TIAM1: variants seen among roughly 807,000 people sequenced by gnomAD.
TIAM1 encodes the protein rho guanine nucleotide exchange factor TIAM1.
In TIAM1, 65 loss-of-function variants were observed where a neutral mutation model predicts 163.5. That is an observed-to-expected ratio of 0.40 (90% CI 0.33 to 0.49). The LOEUF (loss-of-function observed/expected upper bound fraction) is 0.49. Among genes scored for constraint, TIAM1 ranks in the 20% least tolerant of loss-of-function variants. The pLI, the probability that TIAM1 is intolerant of heterozygous loss-of-function variation, is 0.77. For synonymous variants in TIAM1, 833 were observed against 810.1 expected (o/e 1.03, Z -0.48); for missense variants, 1,789 against 2,044.7 (o/e 0.87, Z 2.41).
Position 31,426,333 on chromosome 21 carries a change from T to C in TIAM1, c.-369+37650A>G, listed in dbSNP as rs1189256863. 2.0e-5 allele frequency among the ~76,000 whole-genome samples: 3 copies of C among 152,170 alleles called. No homozygotes were observed. In the East Asian group the frequency reaches 5.8e-4, roughly 29 times the overall value. ...CCACCTTCTCAGACTTGGGGCTCCA[T>C]GGGATCATTCTATTTTCAGTAGATC... On this transcript the variant is annotated intron_variant, in intron 2 of 28. Coordinates refer to the TIAM1 transcript ENST00000286827.
intron 1 of TIAM1, among the ~76,000 whole-genome samples, chr21:31,503,513 AAG>A (rs1265197513): frequency 8.4e-6 from 1 of 118,752 alleles, no homozygotes; most frequent in Non-Finnish European, 1.7e-5. Flanking sequence ...AAGAGAAAAA[AAG>A]AGAAAGAGAA....
chr21:31,362,186 T>G (rs1273549354), intron 2 of TIAM1, among the ~76,000 whole-genome samples: 3 of 151,960 alleles, frequency 2.0e-5, no homozygotes, highest in Non-Finnish European at 2.9e-5. Context: ...GATATACTCT[T>G]TACTGTGACT....
At chr21:31,209,257 G>A (rs573427770) in intron 11 of TIAM1, among the ~76,000 whole-genome samples, 8 of 152,216 alleles carry the variant, frequency 5.3e-5, no homozygotes, top group African/African-American at 1.7e-4. Context: ...ATACGACTAC[G>A]ACATAGAACT....
At chr21:31,408,559 A>AGTCT (rs1408283908) in intron 2 of TIAM1, among the ~76,000 whole-genome samples, 1 of 152,260 alleles carries the variant, frequency 6.6e-6, no homozygotes, top group African/African-American at 2.4e-5. Context: ...TTTTAATGAA[A>AGTCT]GTCTCCACTA....
intron 1 of TIAM1, among the ~76,000 whole-genome samples, chr21:31,468,862 TG>T (rs923825139): frequency 9.4e-4 from 143 of 152,154 alleles, no homozygotes; most frequent in African/African-American, 3.1e-3. Flanking sequence ...CTGGGATCTG[TG>T]CCTGGGAGGC....
intron 6 of TIAM1, among the ~76,000 whole-genome samples, chr21:31,231,473 C>T (rs1402476753): frequency 8.5e-5 from 13 of 152,186 alleles, no homozygotes; most frequent in Non-Finnish European, 1.5e-5. Flanking sequence ...GTGAGGACCC[C>T]AGCCCAATTC....
chr21:31,168,241 C>T (rs977465287), intron 15 of TIAM1, among the ~76,000 whole-genome samples: 1 of 150,318 alleles, frequency 6.7e-6, no homozygotes, highest in Non-Finnish European at 1.5e-5. Context: ...TACAGGTGCC[C>T]GTCACCACGC....
chr21:31,196,478 A>ATTTTTTTTTTTTTTTTTTTTTTTTTTT (rs59358430), intron 12 of TIAM1, among the ~76,000 whole-genome samples: 1 of 133,090 alleles, frequency 7.5e-6, no homozygotes, highest in Non-Finnish European at 1.6e-5. Context: ...CATCTGGCTA[A>ATTTTTTTTTTTTTTTTTTTTTTTTTTT]TTTTTTTTTT....
chr21:31,218,925 G>A (rs2087378187), intron 8 of TIAM1, among the ~76,000 whole-genome samples: 1 of 148,694 alleles, frequency 6.7e-6, no homozygotes, highest in Admixed American at 6.8e-5. Flanking sequence ...CATGTCCTAT[G>A]TTTAGGTAAA....
At chr21:31,380,115 T>C (rs1304234013) in intron 2 of TIAM1, among the ~76,000 whole-genome samples, 4 of 149,732 alleles carry the variant, frequency 2.7e-5, no homozygotes, top group East Asian at 2.0e-4. Context: ...ATACAAAAAA[T>C]TGGCCAGGCA....
At chr21:31,355,528 A>ATTTT in intron 2 of TIAM1, among the ~76,000 whole-genome samples, 1 of 144,756 alleles carries the variant, frequency 6.9e-6, no homozygotes, top group East Asian at 2.1e-4. Context: ...TCTCTCCTTT[A>ATTTT]TTATTTATTT....
chr21:31,470,031 T>C (rs2045685002), intron 1 of TIAM1, among the ~76,000 whole-genome samples: 2 of 148,136 alleles, frequency 1.4e-5, no homozygotes, highest in Non-Finnish European at 3.0e-5. Context: ...TGAGACACAG[T>C]CTGGCTCTGT....
At chr21:31,215,568 G>GAAAAAAAAAAAAAA (rs398040071) in intron 9 of TIAM1, among the ~76,000 whole-genome samples, 1 of 75,546 alleles carries the variant, frequency 1.3e-5, no homozygotes, top group African/African-American at 4.5e-5. Context: ...TCTCAAAAAA[G>GAAAAAAAAAAAAAA]AAAAAAAAAA....
intron 2 of TIAM1, among the ~76,000 whole-genome samples, chr21:31,413,548 G>A (rs1321332787): frequency 6.6e-6 from 1 of 151,938 alleles, no homozygotes; most frequent in African/African-American, 2.4e-5. Flanking sequence ...GGGATTATAG[G>A]CATGAGCCAC....
intron 1 of TIAM1, among the ~76,000 whole-genome samples, chr21:31,499,627 G>A (rs966912548): frequency 7.3e-5 from 11 of 151,384 alleles, no homozygotes; most frequent in Admixed American, 3.9e-4. Flanking sequence ...CGAGGAAGAC[G>A]GATAACAAGG....
rs1159090982 is a variant in TIAM1, at chr21:31,266,681, A to G, written c.292T>C (p.Leu98=). Residue 98 remains leucine, a synonymous_variant, in exon 4 of 28, where the codon TTG becomes CTG. Coordinates refer to ENST00000541036, the MANE Select transcript of TIAM1 (RefSeq NM_001353694.2). The part of the protein sequence containing the change: ...PIWVDRVDMG[L]RPVSYTDSSV... Reference sequence around the variant, plus strand: ...GAGTCAGTGTAAGACACAGGTCTCAAGCCCATGTCCACTCGGTCCACCCAG... The same window carrying G: ...GAGTCAGTGTAAGACACAGGTCTCAGGCCCATGTCCACTCGGTCCACCCAG... The G allele has an allele frequency of 6.2e-7, 1 of 1,614,210 alleles. No individual in the cohort carries two copies. The highest frequency in any genetic ancestry group is 1.1e-5 in the South Asian group (1 of 91,080).
intron 2 of TIAM1, among the ~76,000 whole-genome samples, chr21:31,461,346 G>A (rs193147223): frequency 3.3e-5 from 5 of 152,154 alleles, no homozygotes; most frequent in East Asian, 1.9e-4. Flanking sequence ...TTAGCTGGGC[G>A]TGATGTGCAT....
At chr21:31,432,206 T>A (rs1486694954) in intron 2 of TIAM1, among the ~76,000 whole-genome samples, 2 of 149,860 alleles carry the variant, frequency 1.3e-5, no homozygotes, top group Non-Finnish European at 3.0e-5. Flanking sequence ...GTTCAAGCGA[T>A]TCTCCTGCCT....
intron 2 of TIAM1, among the ~76,000 whole-genome samples, chr21:31,322,829 A>T (rs565251229): frequency 6.6e-6 from 1 of 152,280 alleles, no homozygotes; most frequent in Admixed American, 6.5e-5. Flanking sequence ...TATTTCCACA[A>T]GGGGGTCAAG....
Sources: allele counts gnomAD v4.1 joint callset (sites outside exome capture counted in the v4.1 genomes callset), GRCh38; gene constraint gnomAD v4.1.1; transcripts MANE v1.5; gene names NCBI Gene and HGNC (gene_info 2026-07-23, HGNC 2026-07-21).